The following PGAP4 variants were observed in gnomAD, a reference collection of about 807,000 sequenced individuals.
PGAP4 encodes GPI-N-acetylgalactosamine transferase PGAP4.
PGAP4 carries 12 observed loss-of-function variants against 28.2 expected under a neutral mutation model. The ratio of observed to expected loss-of-function variants is 0.42; its 90% CI spans 0.27 to 0.69. The LOEUF is 0.69. Ranked by LOEUF, PGAP4 falls within the 30% of genes least tolerant of loss-of-function variation. The pLI is 0.22. For synonymous variants in PGAP4, 205 were observed against 211.8 expected (o/e 0.97, Z 0.28); for missense variants, 425 against 513.5 (o/e 0.83, Z 1.67).
chr9:101,528,669 C>T (rs1250796544), intron 2 of PGAP4, among the ~76,000 whole-genome samples: 1 of 152,004 alleles, frequency 6.6e-6, no homozygotes, highest in Admixed American at 6.6e-5. Context: ...TTCTGCTTTC[C>T]AAACACAAAA....
At chr9:101,524,644 G>T (rs1588211221) in intron 2 of PGAP4, among the ~76,000 whole-genome samples, 1 of 152,316 alleles carries the variant, frequency 6.6e-6, no homozygotes, top group East Asian at 1.9e-4. Context: ...AGCTCCCAGG[G>T]CCTTACTGCT....
At chr9:101,520,504 T>A (rs1826980015) in intron 2 of PGAP4, among the ~76,000 whole-genome samples, 1 of 152,250 alleles carries the variant, frequency 6.6e-6, no homozygotes, top group Non-Finnish European at 1.5e-5. Flanking sequence ...GAGTCCTTGA[T>A]GTGATTCTCC....
At chr9:101,499,966 A>G (rs1388022413) in intron 2 of PGAP4, among the ~76,000 whole-genome samples, 1 of 151,902 alleles carries the variant, frequency 6.6e-6, no homozygotes, top group East Asian at 1.9e-4. Context: ...AGAAATTAAT[A>G]TTAATATAAT....
intron 2 of PGAP4, among the ~76,000 whole-genome samples, chr9:101,505,552 T>C (rs796266994): frequency 3.3e-5 from 5 of 152,254 alleles, no homozygotes; most frequent in African/African-American, 9.6e-5. Flanking sequence ...GTCTGAATTA[T>C]CTTTCTTCTC....
intron 1 of PGAP4, chr9:101,532,579 G>C (rs764498566): frequency 6.6e-6 from 1 of 152,194 alleles, no homozygotes; most frequent in African/African-American, 2.4e-5. Context: ...GTAGTTCTAT[G>C]AATGAAAGGC....
At chr9:101,511,130 C>A (rs1247693830) in intron 2 of PGAP4, among the ~76,000 whole-genome samples, 1 of 152,190 alleles carries the variant, frequency 6.6e-6, no homozygotes, top group Non-Finnish European at 1.5e-5. Flanking sequence ...GTGCAGTTCA[C>A]AATAGGGTTC....
chr9:101,507,758 T>G (rs1017434898), intron 2 of PGAP4, among the ~76,000 whole-genome samples: 1 of 152,122 alleles, frequency 6.6e-6, no homozygotes, highest in African/African-American at 2.4e-5. Flanking sequence ...ATTATTATAG[T>G]GCTTAATTAA....
chr9:101,512,812 T>G (rs1415226613), intron 2 of PGAP4, among the ~76,000 whole-genome samples: 1 of 152,088 alleles, frequency 6.6e-6, no homozygotes, highest in African/African-American at 2.4e-5. Context: ...GGGAAATATT[T>G]GCATTCAATT....
intron 2 of PGAP4, among the ~76,000 whole-genome samples, chr9:101,498,927 T>C (rs530813659): frequency 1.3e-5 from 2 of 152,056 alleles, no homozygotes; most frequent in South Asian, 4.1e-4. Flanking sequence ...TAAGGGAAAG[T>C]AGTCAAACGT....
chr9:101,475,818 T>C lies in PGAP4; in HGVS notation c.*63A>G, dbSNP rs918916648. ...ATACCTGCAGGCAACCATGTCTAAA[T>C]AAAGAGATAAATATTTGAATCTTCA... On this transcript the variant is annotated 3_prime_UTR_variant, in exon 2 of 2. Coordinates refer to ENST00000374848, the MANE Select transcript of PGAP4 (RefSeq NM_032342.3). 1 of 1,510,940 alleles carries C rather than the reference T, an allele frequency of 6.6e-7. No homozygotes were observed. The highest frequency in any genetic ancestry group is 9.0e-7 in the Non-Finnish European group (1 of 1,110,100). 93.6% of individuals were successfully genotyped at this position (1,510,940 alleles called of 1,614,324 possible). A position where few individuals can be genotyped will look rare whatever the true frequency, so the allele number is the denominator to read the frequency against.
At chr9:101,493,507 A>C (rs756117880) in intron 2 of PGAP4, among the ~76,000 whole-genome samples, 9 of 152,112 alleles carry the variant, frequency 5.9e-5, no homozygotes, top group Non-Finnish European at 1.2e-4. Context: ...TTTTCAGTTT[A>C]ACTAATAGAT....
chr9:101,533,649 C>G (rs1827134952), upstream of PGAP4: 1 of 152,256 alleles, frequency 6.6e-6, no homozygotes, highest in Non-Finnish European at 1.5e-5. Flanking sequence ...CAGGCATCAG[C>G]GAGGCCCGAG....
At chr9:101,524,567 C>T (rs1827017131) in intron 2 of PGAP4, among the ~76,000 whole-genome samples, 1 of 152,190 alleles carries the variant, frequency 6.6e-6, no homozygotes, top group Non-Finnish European at 1.5e-5. Context: ...AGCCCCTGCT[C>T]CTCTGTCTAC....
At chr9:101,489,603 A>G (rs1826668527), upstream of PGAP4, among the ~76,000 whole-genome samples, 1 of 152,222 alleles carries the variant, frequency 6.6e-6, no homozygotes. Flanking sequence ...CCCATCAGGG[A>G]AAGAGCCAGG....
In PGAP4 at chr9:101,517,581, C is replaced by T. The variant is rs532425141; in HGVS notation, c.-165+13767G>A. ...GGTACATCTAGATACAAGAAAACTACATAAAAATAAAAGCAAAGGAATGAC... is the reference window on the plus strand; with the variant it reads ...GGTACATCTAGATACAAGAAAACTATATAAAAATAAAAGCAAAGGAATGAC... On this transcript the variant is annotated intron_variant, in intron 2 of 3. Transcript: ENST00000374851. 3.3e-5 allele frequency among the ~76,000 whole-genome samples: 5 copies of T among 152,112 alleles called. No individual in the cohort carries two copies. The South Asian group carries it at 6.2e-4, about 19-fold the overall frequency.
At chr9:101,498,576 A>T (rs189057503) in intron 2 of PGAP4, among the ~76,000 whole-genome samples, 133 of 151,998 alleles carry the variant, frequency 8.8e-4, no homozygotes, top group African/African-American at 2.9e-3. Context: ...ACTAGCAGAA[A>T]AGCCAACATA....
At chr9:101,480,181 T>TA (rs573966218) in intron 1 of PGAP4, among the ~76,000 whole-genome samples, 113 of 152,140 alleles carry the variant, frequency 7.4e-4, no homozygotes, top group Non-Finnish European at 1.4e-3. Flanking sequence ...CCAACCCCAA[T>TA]CATTACACAC....
At chr9:101,503,218 C>T (rs1011771794) in intron 2 of PGAP4, among the ~76,000 whole-genome samples, 3 of 152,078 alleles carry the variant, frequency 2.0e-5, no homozygotes, top group East Asian at 1.9e-4. Context: ...GACTAAAAAG[C>T]GATCTTACAA....
At chr9:101,532,278 GAAAA>G (rs1220114966) in intron 1 of PGAP4, among the ~76,000 whole-genome samples, 64 of 94,486 alleles carry the variant, frequency 6.8e-4, no homozygotes, top group African/African-American at 2.5e-3. Context: ...TCGAAAAAAA[GAAAA>G]AAAAAAAAAA....
Sources: gnomAD v4.1 joint callset for allele counts (sites outside exome capture counted in the v4.1 genomes callset) on GRCh38, gnomAD v4.1.1 for gene constraint, MANE v1.5 for transcripts, NCBI Gene and HGNC (gene_info 2026-07-23, HGNC 2026-07-21) for gene names.